The following ZFHX3 variants were observed in gnomAD, a reference collection of about 807,000 sequenced individuals.
ZFHX3 encodes the protein zinc finger homeobox 3, also known as zinc finger homeobox protein 3.
Under a neutral mutation model 279.1 loss-of-function variants are expected in ZFHX3, and 42 were observed. The observed-to-expected ratio is 0.15, with a 90% confidence interval of 0.12 to 0.19. ZFHX3 has a LOEUF of 0.19. ZFHX3 is among the 10% of genes least tolerant of loss of function. The pLI is 1.00. For missense variants in ZFHX3, 4,981 were observed against 4,754.0 expected, an observed-to-expected ratio of 1.05 and a Z score of -1.40; for synonymous variants, 2,293 against 1,957.8, an observed-to-expected ratio of 1.17 and a Z score of -4.52.
intron 3 of ZFHX3, among the ~76,000 whole-genome samples, chr16:73,323,185 G>A (rs755153101): frequency 6.6e-6 from 1 of 152,158 alleles, no homozygotes; most frequent in African/African-American, 2.4e-5. Flanking sequence ...CTTTCAGGAG[G>A]GCCTGGTGGG....
At chr16:73,455,394 G>C (rs1037807045) in intron 3 of ZFHX3, among the ~76,000 whole-genome samples, 1 of 152,014 alleles carries the variant, frequency 6.6e-6, no homozygotes, top group Non-Finnish European at 1.5e-5. Flanking sequence ...AAGACCCAGG[G>C]GGCTAAACAA....
At chr16:73,102,844 G>A (rs1294784617) in intron 7 of ZFHX3, among the ~76,000 whole-genome samples, 1 of 152,178 alleles carries the variant, frequency 6.6e-6, no homozygotes, top group East Asian at 1.9e-4. Flanking sequence ...ACAAACGTAA[G>A]TACTTAACGT....
At chr16:73,612,420 A>G (rs2052257168) in intron 2 of ZFHX3, among the ~76,000 whole-genome samples, 1 of 152,224 alleles carries the variant, frequency 6.6e-6, no homozygotes. Context: ...CGCTGCTGTA[A>G]TAGGAAAATT....
chr16:72,861,515 T>A (rs748825138), intron 4 of ZFHX3, among the ~76,000 whole-genome samples: 1 of 152,156 alleles, frequency 6.6e-6, no homozygotes, highest in African/African-American at 2.4e-5. Context: ...GATACCTGGG[T>A]AATTTCAAGC....
chr16:73,687,251 G>A (rs1434595908), intron 1 of ZFHX3, among the ~76,000 whole-genome samples: 2 of 150,434 alleles, frequency 1.3e-5, no homozygotes, highest in Non-Finnish European at 3.0e-5. Context: ...AATTAGCTGT[G>A]AATGGTGGCA....
chr16:73,200,832 C>T (rs1029842704), intron 5 of ZFHX3, among the ~76,000 whole-genome samples: 1 of 152,156 alleles, frequency 6.6e-6, no homozygotes, highest in African/African-American at 2.4e-5. Flanking sequence ...TTTTTGATGA[C>T]ATACTTTACT....
In ZFHX3 at chr16:72,788,094, CTGCTGCTGCACTTTT is replaced by C. The variant is rs769521479; in HGVS notation, c.10167_10181del (p.Lys3390_Gln3394del). On this transcript the variant is annotated inframe_deletion, in exon 10 of 10. Coordinates refer to ENST00000268489, the MANE Select transcript of ZFHX3 (RefSeq NM_006885.4). ...CTGGGGTTTGGCTTGCTTTGGGCTGCTGCTGCTGCACTTTTTGCTGCTGCTGCTGCTGTAGTTGCC... is the reference window on the plus strand; with the variant it reads ...CTGGGGTTTGGCTTGCTTTGGGCTGCTGCTGCTGCTGCTGCTGTAGTTGCC... 32 of 1,608,448 alleles carry C rather than the reference CTGCTGCTGCACTTTT, an allele frequency of 2.0e-5. No individual in the cohort carries two copies. The highest frequency in any genetic ancestry group is 2.4e-5 in the Non-Finnish European group (28 of 1,176,930).
chr16:73,510,444 T>A (rs571657660), intron 2 of ZFHX3, among the ~76,000 whole-genome samples: 1 of 152,218 alleles, frequency 6.6e-6, no homozygotes, highest in African/African-American at 2.4e-5. Context: ...TGACATTTCA[T>A]ATGGACCATA....
At chr16:73,513,706 G>C (rs2019471864) in intron 2 of ZFHX3, among the ~76,000 whole-genome samples, 1 of 152,148 alleles carries the variant, frequency 6.6e-6, no homozygotes, top group Non-Finnish European at 1.5e-5. Context: ...TGCCTCATTG[G>C]TCAGGAGCCT....
chr16:73,456,169 C>T (rs1243865700), exon 3 of ZFHX3: 1 of 152,110 alleles, frequency 6.6e-6, no homozygotes, highest in Non-Finnish European at 1.5e-5. Context: ...GCAAGGATGT[C>T]CCGCAATCTC....
At chr16:73,112,000 G>A (rs1178069490) in intron 7 of ZFHX3, among the ~76,000 whole-genome samples, 1 of 151,946 alleles carries the variant, frequency 6.6e-6, no homozygotes, top group African/African-American at 2.4e-5. Context: ...AGAGGGGACT[G>A]GAGAACAGGT....
chr16:73,813,511 A>G (rs1597127267), intron 1 of ZFHX3, among the ~76,000 whole-genome samples: 1 of 152,170 alleles, frequency 6.6e-6, no homozygotes. Flanking sequence ...ACAAAAAAAA[A>G]GGAAAAAAAA....
rs1158416569 is a variant in ZFHX3 at position 73,732,979 on chromosome 16, G to A, written c.-1607-52739C>T. ...CTGTATACTCTTGCTGTTGGGTTTT[G>A]TCCTTTAGTGTATGGTGAAGATCTA... On this transcript the variant is annotated intron_variant, in intron 1 of 17. Coordinates refer to the ZFHX3 transcript ENST00000641206. Among the ~76,000 whole-genome samples, 4 of 152,174 alleles carry A rather than the reference G, an allele frequency of 2.6e-5. No homozygotes were observed. In the South Asian group the frequency reaches 8.3e-4, roughly 32 times the overall value.
At chr16:73,279,733 G>A (rs376073748) in intron 4 of ZFHX3, among the ~76,000 whole-genome samples, 6 of 152,256 alleles carry the variant, frequency 3.9e-5, no homozygotes, top group African/African-American at 1.4e-4. Flanking sequence ...AGGACATACA[G>A]CTGCAGCTTG....
intron 3 of ZFHX3, among the ~76,000 whole-genome samples, chr16:73,331,900 C>G (rs1344445392): frequency 6.6e-6 from 1 of 152,092 alleles, no homozygotes; most frequent in Non-Finnish European, 1.5e-5. Flanking sequence ...TAAAAGAGGA[C>G]AGCTAGCATC....
At chr16:72,833,846 T>A (rs985028452) in intron 4 of ZFHX3, among the ~76,000 whole-genome samples, 1 of 152,152 alleles carries the variant, frequency 6.6e-6, no homozygotes, top group Non-Finnish European at 1.5e-5. Flanking sequence ...TGTGTTTTCA[T>A]GTTAAAGAGT....
intron 2 of ZFHX3, among the ~76,000 whole-genome samples, chr16:73,550,640 T>C (rs1031850635): frequency 1.3e-5 from 2 of 152,258 alleles, no homozygotes; most frequent in Admixed American, 6.5e-5. Context: ...TACCATTTTG[T>C]AATTTTTATT....
At chr16:73,230,978 C>A (rs1235916992) in intron 5 of ZFHX3, among the ~76,000 whole-genome samples, 1 of 152,140 alleles carries the variant, frequency 6.6e-6, no homozygotes, top group Non-Finnish European at 1.5e-5. Context: ...CTTCTGTCGC[C>A]AGGCCAGGAG....
intron 5 of ZFHX3, among the ~76,000 whole-genome samples, chr16:73,179,192 C>T (rs1001966439): frequency 9.2e-5 from 14 of 152,208 alleles, no homozygotes; most frequent in Non-Finnish European, 2.1e-4. Flanking sequence ...CAAAGTTCAG[C>T]ACTATACATT....
Sources: gnomAD v4.1 joint callset for allele counts (sites outside exome capture counted in the v4.1 genomes callset) on GRCh38, gnomAD v4.1.1 for gene constraint, MANE v1.5 for transcripts, NCBI Gene and HGNC (gene_info 2026-07-23, HGNC 2026-07-21) for gene names.